Variants in TMEM230 observed in about 807,000 individuals in gnomAD.
The protein encoded by TMEM230 is transmembrane protein 230, also known as UPF0414 transmembrane protein C20orf30.
Under a neutral mutation model 15.8 loss-of-function variants are expected in TMEM230, and 10 were observed. The observed-to-expected ratio is 0.63, with a 90% confidence interval of 0.39 to 1.07. The LOEUF is 1.07. Among genes scored for constraint, TMEM230 ranks in the 50% least tolerant of loss-of-function variants. The pLI, the probability that TMEM230 is intolerant of heterozygous loss-of-function variation, is 0.01. For synonymous variants in TMEM230, 67 were observed against 76.9 expected, an observed-to-expected ratio of 0.87 and a Z score of 0.68; for missense variants, 165 against 193.3, an observed-to-expected ratio of 0.85 and a Z score of 0.87.
chr20:5,103,536 G>A (rs149204149), intron 4 of TMEM230, among the ~76,000 whole-genome samples: 1 of 151,772 alleles, frequency 6.6e-6, no homozygotes, highest in Non-Finnish European at 1.5e-5. Context: ...GGTGGCACAT[G>A]CCTGTGGTCC....
chr20:5,059,380 C>T, the TMEM230 span, among the ~76,000 whole-genome samples: 27 of 152,102 alleles, frequency 1.8e-4, 1 homozygote, highest in South Asian at 5.4e-3. Flanking sequence ...ATACATGAGT[C>T]TGTTGTATAT....
chr20:5,102,374 G>A (rs1301215141), intron 4 of TMEM230, among the ~76,000 whole-genome samples: 1 of 152,100 alleles, frequency 6.6e-6, no homozygotes, highest in African/African-American at 2.4e-5. Context: ...AGATGGTTTC[G>A]CTGCTGAATT....
intron 3 of TMEM230, among the ~76,000 whole-genome samples, chr20:5,073,309 G>T (rs982788633): frequency 3.9e-5 from 6 of 152,224 alleles, no homozygotes; most frequent in Non-Finnish European, 8.8e-5. Context: ...TGAAGGTGGG[G>T]CACACAAAGA....
chr20:5,100,889 C>T lies in TMEM230; in HGVS notation c.454G>A (p.Val152Met). The T allele has an allele frequency of 6.2e-7, 1 of 1,614,178 alleles. No homozygotes were observed. The highest frequency in any genetic ancestry group is 8.5e-7 in the Non-Finnish European group (1 of 1,180,032). Residue 152 changes from valine (V) to methionine (M), a missense_variant, in exon 5 of 5, where the codon GTG (valine) becomes ATG (methionine). Val to Met is a conservative substitution (Grantham distance 21). Coordinates refer to ENST00000342308, the MANE Select transcript of TMEM230 (RefSeq NM_001009923.2). ...AGGTGGTAAAATCCGGGTAGGAACACCAGAATGCCAATGATCAGCACTGGA... is the reference window on the plus strand; with the variant it reads ...AGGTGGTAAAATCCGGGTAGGAACATCAGAATGCCAATGATCAGCACTGGA...
intron 3 of TMEM230, among the ~76,000 whole-genome samples, chr20:5,084,894 A>G (rs1270450200): frequency 6.6e-6 from 1 of 152,246 alleles, no homozygotes; most frequent in African/African-American, 2.4e-5. Context: ...TGTTGATGCA[A>G]CATAACATCT....
At chr20:5,063,382 G>A (rs868197640), downstream of TMEM230, among the ~76,000 whole-genome samples, 1 of 138,036 alleles carries the variant, frequency 7.2e-6, no homozygotes, top group Non-Finnish European at 1.5e-5. Context: ...CTGCCTCCCA[G>A]TTTCAAGCAA....
chr20:5,094,609 AG>A (rs1462939964), intron 3 of TMEM230, among the ~76,000 whole-genome samples: 1 of 146,046 alleles, frequency 6.8e-6, no homozygotes, highest in Non-Finnish European at 1.5e-5. Flanking sequence ...CAGAAGGCTG[AG>A]GTAGGAGAAT....
At chr20:5,081,942 C>T (rs1416139264) in intron 3 of TMEM230, among the ~76,000 whole-genome samples, 9 of 148,576 alleles carry the variant, frequency 6.1e-5, no homozygotes, top group South Asian at 2.1e-4. Flanking sequence ...GGTGCAATCT[C>T]GGCTCACTAC....
the TMEM230 span, among the ~76,000 whole-genome samples, chr20:5,060,271 A>T: frequency 6.6e-6 from 1 of 151,624 alleles, no homozygotes; most frequent in Admixed American, 6.6e-5. Flanking sequence ...TCCCCAAATA[A>T]TATAGGTTCT....
chr20:5,111,841 T>G (rs1411518146), intron 1 of TMEM230: 1 of 953,998 alleles, frequency 1.0e-6, no homozygotes, highest in African/African-American at 1.9e-5. Context: ...TGTTTTTCTT[T>G]TTTTTTGGTG....
At chr20:5,107,313 A>G (rs1317004541) in intron 3 of TMEM230, among the ~76,000 whole-genome samples, 2 of 152,122 alleles carry the variant, frequency 1.3e-5, no homozygotes, top group East Asian at 1.9e-4. Context: ...ATACAACAAC[A>G]GCAAAAACAG....
At chr20:5,105,300 A>ATC (rs2090027857) in intron 4 of TMEM230, among the ~76,000 whole-genome samples, 1 of 151,028 alleles carries the variant, frequency 6.6e-6, no homozygotes, top group Non-Finnish European at 1.5e-5. Context: ...ATATATATAT[A>ATC]TGTATGTATG....
At chr20:5,066,600 G>A (rs2088656803), downstream of TMEM230, among the ~76,000 whole-genome samples, 2 of 151,482 alleles carry the variant, frequency 1.3e-5, no homozygotes, top group Non-Finnish European at 2.9e-5. Flanking sequence ...TGAACCCGGG[G>A]GGCAGAGGTT....
At chr20:5,072,848 C>CAAAAAA (rs3056051) in intron 3 of TMEM230, among the ~76,000 whole-genome samples, 2 of 51,440 alleles carry the variant, frequency 3.9e-5, no homozygotes, top group Non-Finnish European at 6.7e-5. Flanking sequence ...GACTCCACCT[C>CAAAAAA]AAAAAAAAAA....
chr20:5,080,571 C>CTT (rs113973297), intron 3 of TMEM230, among the ~76,000 whole-genome samples: 2 of 144,888 alleles, frequency 1.4e-5, no homozygotes, highest in African/African-American at 2.5e-5. Flanking sequence ...GTCTTTCTGT[C>CTT]TTTTTTTTTT....
chr20:5,099,191 A>AAAATAAATAAAT (rs60562203), downstream of TMEM230, among the ~76,000 whole-genome samples: 6 of 112,778 alleles, frequency 5.3e-5, no homozygotes, highest in African/African-American at 7.2e-5. Flanking sequence ...ACTCTGTCTC[A>AAAATAAATAAAT]AAATAAATAA....
Position 5,111,805 on chromosome 20 carries a change from A to G in TMEM230, c.69-200T>C, listed in dbSNP as rs2090338162. The G allele has an allele frequency of 1.8e-5, 18 of 980,096 alleles. 1 individual carries two copies. In the South Asian group the frequency reaches 8.0e-4, roughly 43 times the overall value. The allele number at this position is 980,096 out of a possible 1,614,324, so 60.7% of individuals were successfully genotyped here. A position where few individuals can be genotyped will look rare whatever the true frequency, so the allele number is the denominator to read the frequency against. ...GCCAGCTGTTCTAAGTACTTTGTAC[A>G]TACCTAATTCCAAAAAATAACAAAT... On this transcript the variant is annotated intron_variant, in intron 1 of 4. Transcript: ENST00000342308.
intron 1 of TMEM230, among the ~76,000 whole-genome samples, chr20:5,112,049 T>A (rs1187823405): frequency 6.6e-6 from 1 of 152,198 alleles, no homozygotes; most frequent in African/African-American, 2.4e-5. Flanking sequence ...CTTCACCATA[T>A]TGGCCAGGCT....
At position 5,077,921 on chromosome 20, in the gene TMEM230, T is replaced by C. The variant is rs1018668935; in HGVS notation, c.223-8572A>G. ...TAAATTTGTGAAATATATACTATGA[T>C]GGTAGTGAGTATTAAGGAGAAAAAT... On this transcript the variant is annotated intron_variant, in intron 3 of 3. Coordinates refer to the TMEM230 transcript ENST00000612323. Among the ~76,000 whole-genome samples the C allele has an allele frequency of 4.6e-5, 7 of 152,052 alleles. No individual in the cohort carries two copies. The East Asian group carries it at 1.4e-3, about 29-fold the overall frequency.
Sources: gnomAD v4.1 joint callset for allele counts (sites outside exome capture counted in the v4.1 genomes callset) on GRCh38, gnomAD v4.1.1 for gene constraint, MANE v1.5 for transcripts, NCBI Gene and HGNC (gene_info 2026-07-23, HGNC 2026-07-21) for gene names.